MUC3A: variants seen among roughly 807,000 people sequenced by gnomAD.
MUC3A encodes the protein mucin 3A, cell surface associated, also known as mucin-3A.
A neutral mutation model predicts 109.0 loss-of-function variants in MUC3A; 109 were observed. That is an observed-to-expected ratio of 1.00 (90% CI 0.86 to 1.17). MUC3A has a LOEUF of 1.17. Ranked by LOEUF, MUC3A falls within the 50% of genes most tolerant of loss-of-function variation. The probability of loss-of-function intolerance (pLI) is 0.00; values close to 1 mark genes in which losing one functional copy is unlikely to be tolerated. For missense variants in MUC3A, 3,537 were observed against 2,469.4 expected (o/e 1.43, Z -9.16); for synonymous variants, 1,398 against 981.4 (o/e 1.42, Z -7.93).
Position 100,958,883 on chromosome 7 carries a change from C to T in MUC3A, c.7104C>T (p.Thr2368=). Residue 2368 remains threonine, a synonymous_variant, in exon 2 of 12, where the codon ACC becomes ACT. Transcript: ENST00000379458. ...CTTCGATCACCACCACCGAGACCAC[C>T]TCACACAGTACTCCCAGCTTCAGTT... is the stretch of plus-strand genomic sequence containing the variant. ...FTSSITTTET[T]SHSTPSFSSS... is the part of the protein sequence containing the mutation. 1 of 1,480,486 alleles carries T rather than the reference C, an allele frequency of 6.8e-7. No homozygotes were observed. The highest frequency in any genetic ancestry group is 1.2e-5 in the South Asian group (1 of 85,542). The allele number at this position is 1,480,486 out of a possible 1,614,324, so 91.7% of individuals were successfully genotyped here.
chr7:100,959,518 C>T lies in MUC3A; in HGVS notation c.7739C>T (p.Thr2580Ile). 2 of 1,582,778 alleles carry T rather than the reference C, an allele frequency of 1.3e-6. No homozygotes were observed. Among genetic ancestry groups the T allele is most frequent in the Admixed American group, 1.7e-5 (1 of 57,896 alleles). The part of the protein sequence containing the change: ...IVVIPETPTQ[T>I]PPVLTSATGT... ...GTTATACCTGAAACCCCAACACAGA[C>T]CCCTCCTGTACTGACGTCAGCCACT... The change falls in exon 2 of 12, where the codon ACC becomes ATC. Residue 2580 changes from threonine (T) to isoleucine (I), a missense_variant. Coordinates refer to ENST00000379458, the MANE Select transcript of MUC3A (RefSeq NM_005960.2).
chr7:100,960,422 AC>A lies in MUC3A; in HGVS notation c.8645del (p.Pro2882LeufsTer12). ...WLSNSSVIPL[P>X]LPGVSTIPLT... ...TGAGCAACAGTTCTGTGATCCCCCT[AC>A]CTCTTCCTGGCGTCTCTACCATCCC... On this transcript the variant is annotated frameshift_variant, in exon 2 of 12. Coordinates refer to ENST00000379458, the MANE Select transcript of MUC3A (RefSeq NM_005960.2). LOFTEE classifies it high-confidence loss of function. 1 of 1,598,174 alleles carries A rather than the reference AC, an allele frequency of 6.3e-7. No individual in the cohort carries two copies. The highest frequency in any genetic ancestry group is 1.1e-5 in the South Asian group (1 of 91,068).
Position 100,960,835 on chromosome 7 carries a change from A to T in MUC3A, c.8950A>T (p.Thr2984Ser). ...TTCTGGGGACCGCTGTCAGCTCCAG[A>T]CCAGATGCCAGAATGGGGGTCAGTG... ...GFSGDRCQLQ[T>S]RCQNGGQWDG... The change falls in exon 3 of 12, where the codon ACC (threonine) becomes TCC (serine). Residue 2984 changes from threonine to serine, a missense_variant. Physicochemically the swap from Thr to Ser is moderately conservative, Grantham distance 58. Coordinates refer to ENST00000379458, the MANE Select transcript of MUC3A (RefSeq NM_005960.2). 1 of 1,598,534 alleles carries T rather than the reference A, an allele frequency of 6.3e-7. No individual in the cohort carries two copies. Among genetic ancestry groups the T allele is most frequent in the Non-Finnish European group, 8.5e-7 (1 of 1,179,814 alleles).
Position 100,952,929 on chromosome 7 carries a change from A to G in MUC3A, c.1150A>G (p.Met384Val), listed in dbSNP as rs868459614. Residue 384 changes from methionine (M) to valine (V), a missense_variant, in exon 2 of 12, where the codon ATG becomes GTG. Transcript: ENST00000379458. The part of the protein sequence containing the change: ...LPTTETATTP[M>V]TNLVTTTTEI... ...AACCACAGAAACAGCCACGACTCCT[A>G]TGACAAACTTGGTAACCACCACCAC... is the stretch of plus-strand genomic sequence containing the variant. The G allele has an allele frequency of 6.3e-7, 1 of 1,591,732 alleles. No homozygotes were observed. The highest frequency in any genetic ancestry group is 8.5e-7 in the Non-Finnish European group (1 of 1,176,602).
chr7:100,960,730 CCTTT>C lies in MUC3A; in HGVS notation c.8867-15_8867-12del. On this transcript the variant is annotated intron_variant, in intron 2 of 11. Transcript: ENST00000379458. ...GAGGTCAGGCTTTATCCTGAGCTTC[CCTTT>C]CTTTCTGTGTTTTCCAGGCACCTGT... 1.9e-6 allele frequency: 3 copies of C among 1,595,162 alleles called. No homozygotes were observed. Among genetic ancestry groups the C allele is most frequent in the Non-Finnish European group, 2.5e-6 (3 of 1,178,222 alleles).
chr7:100,962,467 C>G (rs1301576479), intron 3 of MUC3A, among the ~76,000 whole-genome samples: 1 of 152,304 alleles, frequency 6.6e-6, no homozygotes, highest in Non-Finnish European at 1.5e-5. Flanking sequence ...AATCTGCACC[C>G]TTGATCCTCC....
chr7:100,966,308 C>T (rs1792553161), intron 8 of MUC3A, 78 bp from the exon 9 acceptor site: 2 of 1,255,942 alleles, frequency 1.6e-6, no homozygotes, highest in Non-Finnish European at 1.0e-6. Context: ...CCCCCTCACC[C>T]GCCCCCGCGG....
In MUC3A at chr7:100,966,569, C is replaced by T; in HGVS notation, c.9785+10C>T. The T allele has an allele frequency of 6.6e-7, 1 of 1,504,734 alleles. No homozygotes were observed. Among genetic ancestry groups the T allele is most frequent in the Non-Finnish European group, 8.8e-7 (1 of 1,135,814 alleles). 93.2% of individuals were successfully genotyped at this position (1,504,734 alleles called of 1,614,324 possible). On this transcript the variant is annotated intron_variant, in intron 9 of 11. Transcript: ENST00000379458. ...GCCAGCGCCGAGGCCGGTGAGCGTGCGGGGGGCGGGGCCGGGGGGCGAGGG... is the reference window on the plus strand; with the variant it reads ...GCCAGCGCCGAGGCCGGTGAGCGTGTGGGGGGCGGGGCCGGGGGGCGAGGG...
At position 100,965,978 on chromosome 7, in the gene MUC3A, C is replaced by G. The variant is rs943472381; in HGVS notation, c.9611+112C>G. 106 of 1,440,314 alleles carry G rather than the reference C, an allele frequency of 7.4e-5. No individual in the cohort carries two copies. In the African/African-American group the frequency reaches 1.2e-3, roughly 17 times the overall value. The allele number at this position is 1,440,314 out of a possible 1,614,324, so 89.2% of individuals were successfully genotyped here. ...GCGCCCTGGGCCTACAGTGGAGCCT[C>G]GTCCCCAGAGTGCCGCTCCAAGCCC... is the stretch of plus-strand genomic sequence containing the variant. On this transcript the variant is annotated intron_variant, in intron 8 of 11. Coordinates refer to ENST00000379458, the MANE Select transcript of MUC3A (RefSeq NM_005960.2).
chr7:100,965,902 C>A (rs750726856), intron 8 of MUC3A, 36 bp downstream of exon 8: 1 of 1,565,076 alleles, frequency 6.4e-7, no homozygotes, highest in South Asian at 1.2e-5. Context: ...CAGCCGAGCC[C>A]CTCCCACTCA....
chr7:100,957,251 C>T lies in MUC3A; in HGVS notation c.5472C>T (p.Thr1824=). 2.0e-6 allele frequency: 1 copy of T among 499,686 alleles called. No individual in the cohort carries two copies. Among genetic ancestry groups the T allele is most frequent in the Non-Finnish European group, 3.5e-6 (1 of 286,768 alleles). The allele number at this position is 499,686 out of a possible 1,614,324, so 31.0% of individuals were successfully genotyped here. A position where few individuals can be genotyped will look rare whatever the true frequency, so the allele number is the denominator to read the frequency against. ...TNTTPLSTLV[T]TFSNSDTSST... is the part of the protein sequence containing the mutation. Reference sequence around the variant, plus strand: ...CCACCCCTCTATCTACATTGGTGACCACATTCTCCAATTCCGACACCAGTT... The same window carrying T: ...CCACCCCTCTATCTACATTGGTGACTACATTCTCCAATTCCGACACCAGTT... The change falls in exon 2 of 12, where the codon ACC becomes ACT. Residue 1824 remains threonine (T), a synonymous_variant. Coordinates refer to ENST00000379458, the MANE Select transcript of MUC3A (RefSeq NM_005960.2).
intron 1 of MUC3A, 41 bp downstream of exon 1, chr7:100,949,726 G>A (rs1195265630): frequency 1.1e-5 from 16 of 1,475,954 alleles, no homozygotes; most frequent in Non-Finnish European, 1.4e-5. Context: ...AAAAGCTCCT[G>A]ATGTGATGTT....
chr7:100,967,477 T>C lies in MUC3A; in HGVS notation c.*315T>C. ...TCACGCCGTTGTTGTGAAAACCACA[T>C]AGACTTGGTCAATTCTCGGTCCTAC... On this transcript the variant is annotated 3_prime_UTR_variant, in exon 12 of 12. Coordinates refer to ENST00000379458, the MANE Select transcript of MUC3A (RefSeq NM_005960.2). 7.0e-6 allele frequency: 4 copies of C among 571,558 alleles called. No homozygotes were observed. Among genetic ancestry groups the C allele is most frequent in the East Asian group, 2.8e-5 (1 of 35,470 alleles). 35.4% of individuals were successfully genotyped at this position (571,558 alleles called of 1,614,324 possible). A position where few individuals can be genotyped will look rare whatever the true frequency, so the allele number is the denominator to read the frequency against.
chr7:100,953,084 C>A lies in MUC3A; in HGVS notation c.1305C>A (p.Thr435=). The A allele has an allele frequency of 9.3e-7, 1 of 1,077,320 alleles. No individual in the cohort carries two copies. Among genetic ancestry groups the A allele is most frequent in the South Asian group, 1.4e-5 (1 of 72,554 alleles). The allele number at this position is 1,077,320 out of a possible 1,614,324, so 66.7% of individuals were successfully genotyped here. A position where few individuals can be genotyped will look rare whatever the true frequency, so the allele number is the denominator to read the frequency against. The change falls in exon 2 of 12, where the codon ACC becomes ACA. Residue 435 remains threonine, a synonymous_variant. Transcript: ENST00000379458. ...SGTMVTSTTM[T]PSSLSTDIPF... is the part of the protein sequence containing the mutation. ...CTATGGTGACTTCCACAACCATGAC[C>A]CCATCTTCTCTGAGTACAGACATCC...
intron 11 of MUC3A, 30 bp from the exon 12 acceptor site, chr7:100,967,091 C>A: frequency 2.5e-6 from 4 of 1,598,524 alleles, no homozygotes; most frequent in Non-Finnish European, 3.4e-6. Context: ...AGTGGCTCCG[C>A]GTTCCCGTCC....
Position 100,952,909 on chromosome 7 carries a change from C to CTCCT in MUC3A, c.1130_1131insTCCT (p.Glu378ProfsTer17). On this transcript the variant is annotated frameshift_variant, in exon 2 of 12. Transcript: ENST00000379458. LOFTEE classifies it high-confidence loss of function. ...CCCACCTCTTCCTCTCTCCCAACCA[C>CTCCT]AGAAACAGCCACGACTCCTATGACA... The CTCCT allele has an allele frequency of 6.9e-7, 1 of 1,456,218 alleles. No homozygotes were observed. Among genetic ancestry groups the CTCCT allele is most frequent in the Admixed American group, 2.3e-5 (1 of 44,156 alleles). The allele number at this position is 1,456,218 out of a possible 1,614,324, so 90.2% of individuals were successfully genotyped here.
At position 100,959,541 on chromosome 7, in the gene MUC3A, A is replaced by C; in HGVS notation, c.7762A>C (p.Thr2588Pro). The C allele has an allele frequency of 6.3e-7, 1 of 1,590,500 alleles. No individual in the cohort carries two copies. The highest frequency in any genetic ancestry group is 8.5e-7 in the Non-Finnish European group (1 of 1,176,180). The change falls in exon 2 of 12, where the codon ACT (threonine) becomes CCT (proline). Residue 2588 changes from threonine to proline, a missense_variant. Coordinates refer to ENST00000379458, the MANE Select transcript of MUC3A (RefSeq NM_005960.2). Reference sequence around the variant, plus strand: ...GACCCCTCCTGTACTGACGTCAGCCACTGGGACCCAAACATCTCCTGCACC... The same window carrying C: ...GACCCCTCCTGTACTGACGTCAGCCCCTGGGACCCAAACATCTCCTGCACC... ...TQTPPVLTSA[T>P]GTQTSPAPTT...
rs1792511608 is a variant in MUC3A, at chr7:100,965,758, T to C, written c.9503T>C (p.Val3168Ala). 1.3e-6 allele frequency: 2 copies of C among 1,598,338 alleles called. No homozygotes were observed. The highest frequency in any genetic ancestry group is 1.7e-5 in the Admixed American group (1 of 59,980). ...TGYEEFYFPLVEATRLRCVTK... is the reference protein window; with the variant it reads ...TGYEEFYFPLAEATRLRCVTK... ...TATGAAGAGTTCTACTTCCCCTTGG[T>C]GGAGGCCACCCGGCTCCGCTGTGTC... The change falls in exon 8 of 12, where the codon GTG becomes GCG. Residue 3168 changes from valine (V) to alanine (A), a missense_variant. By Grantham distance (64) the Val-to-Ala change is moderately conservative. Transcript: ENST00000379458.
Position 100,959,735 on chromosome 7 carries a change from C to T in MUC3A, c.7956C>T (p.Leu2652=). The change falls in exon 2 of 12, where the codon CTC becomes CTT. Residue 2652 remains leucine, a synonymous_variant. Transcript: ENST00000379458. The stretch of plus-strand genomic sequence containing the variant: ...CTACTCCCTCATTGCAAACTTCACT[C>T]ACATCTACAAGTGAGTTCACTACAG... The part of the protein sequence containing the change: ...TPSTPSLQTS[L]TSTSEFTTES... 5 of 1,598,510 alleles carry T rather than the reference C, an allele frequency of 3.1e-6. No homozygotes were observed. Among genetic ancestry groups the T allele is most frequent in the Non-Finnish European group, 4.2e-6 (5 of 1,179,794 alleles).
Sources: allele counts gnomAD v4.1 joint callset (sites outside exome capture counted in the v4.1 genomes callset), GRCh38; gene constraint gnomAD v4.1.1; transcripts MANE v1.5; gene names NCBI Gene and HGNC (gene_info 2026-07-23, HGNC 2026-07-21).